Variants in STX5 observed in about 807,000 individuals in gnomAD.
STX5 encodes syntaxin 5, also known as syntaxin-5.
Under a neutral mutation model 42.9 loss-of-function variants are expected in STX5, and 15 were observed. The ratio of observed to expected loss-of-function variants is 0.35; its 90% CI spans 0.23 to 0.54. The LOEUF is 0.54. STX5 is among the 20% of genes least tolerant of loss of function. The pLI, the probability that STX5 is intolerant of heterozygous loss-of-function variation, is 0.91. For synonymous variants in STX5, 184 were observed against 173.2 expected, an observed-to-expected ratio of 1.06 and a Z score of -0.49; for missense variants, 430 against 455.0, an observed-to-expected ratio of 0.95 and a Z score of 0.50.
chr11:62,830,984 G>T (rs1317848369), intron 2 of STX5, 35 bp downstream of exon 2: 1 of 1,520,024 alleles, frequency 6.6e-7, no homozygotes, highest in Non-Finnish European at 8.9e-7. Context: ...TTTGAGTAAG[G>T]CTCACTCCTC....
intron 10 of STX5, among the ~76,000 whole-genome samples, chr11:62,811,960 C>T (rs574505327): frequency 6.6e-6 from 1 of 151,902 alleles, no homozygotes; most frequent in African/African-American, 2.4e-5. Flanking sequence ...CAAACACATG[C>T]TAACAGTGAA....
At chr11:62,812,748 A>G (rs2084632630) in intron 10 of STX5, among the ~76,000 whole-genome samples, 2 of 151,920 alleles carry the variant, frequency 1.3e-5, no homozygotes, top group Admixed American at 1.3e-4. Flanking sequence ...AAAATACAAC[A>G]TAGCTCAGGG....
At chr11:62,827,272 G>A in intron 4 of STX5, 47 bp from the exon 5 acceptor site, 2 of 1,613,544 alleles carry the variant, frequency 1.2e-6, no homozygotes, top group Non-Finnish European at 1.7e-6. Flanking sequence ...CAAGGACAAA[G>A]CTCAGGGAAT....
intron 2 of STX5, among the ~76,000 whole-genome samples, chr11:62,829,257 T>G (rs1043593520): frequency 1.3e-5 from 2 of 151,264 alleles, no homozygotes; most frequent in African/African-American, 4.9e-5. Flanking sequence ...AAACCCCGTC[T>G]CCACTCAAAA....
chr11:62,828,875 G>A (rs1337604829), intron 2 of STX5, among the ~76,000 whole-genome samples: 1 of 151,960 alleles, frequency 6.6e-6, no homozygotes, highest in East Asian at 1.9e-4. Flanking sequence ...GACCATCCTG[G>A]CGAACACAGT....
In STX5 at chr11:62,827,363, T is replaced by C. The variant is rs763049570; in HGVS notation, c.332A>G (p.Lys111Arg). 3.3e-5 allele frequency: 54 copies of C among 1,614,228 alleles called. No homozygotes were observed. Among genetic ancestry groups the C allele is most frequent in the Non-Finnish European group, 4.3e-5 (51 of 1,180,050 alleles). The change falls in exon 4 of 11, where the codon AAG becomes AGG. Residue 111 changes from lysine to arginine, a missense_variant. By Grantham distance (26) the Lys-to-Arg change is conservative. Transcript: ENST00000294179. Reference protein sequence around the residue: ...IGKDLSNTFAKLEKLTILAKR... With the variant: ...IGKDLSNTFARLEKLTILAKR... ...CTCACAGATTGTCAGCTTCTCCAGCTTGGCAAATGTGTTGCTAAGGTCTTT... is the reference window on the plus strand; with the variant it reads ...CTCACAGATTGTCAGCTTCTCCAGCCTGGCAAATGTGTTGCTAAGGTCTTT...
chr11:62,831,317 C>T (rs1467874201), intron 1 of STX5, 55 bp from the exon 2 acceptor site: 8 of 1,246,842 alleles, frequency 6.4e-6, no homozygotes, highest in Non-Finnish European at 9.2e-6. Flanking sequence ...CCAAACTCCC[C>T]CGCCCCACCC....
intron 10 of STX5, among the ~76,000 whole-genome samples, chr11:62,820,520 C>CTTT (rs374794905): frequency 7.1e-6 from 1 of 140,678 alleles, no homozygotes; most frequent in Non-Finnish European, 1.6e-5. Context: ...TTTTCTTTTT[C>CTTT]TTTTTTTTTT....
At chr11:62,830,961 AG>A (rs983293490) in intron 2 of STX5, 57 bp downstream of exon 2, 32 of 1,448,178 alleles carry the variant, frequency 2.2e-5, no homozygotes, top group Non-Finnish European at 2.8e-5. Context: ...GGTGGAGCAC[AG>A]TCCTTCCTAG....
In STX5 at chr11:62,825,027, G is replaced by T; in HGVS notation, c.679+9C>A. ...CCTCCCAGGGCTCCCCGTTTTACCT[G>T]TGACTTACCCAGGTGGTTAGGGGCA... is the stretch of plus-strand genomic sequence containing the variant. On this transcript the variant is annotated intron_variant, in intron 8 of 10. Transcript: ENST00000294179. 1 of 1,613,766 alleles carries T rather than the reference G, an allele frequency of 6.2e-7. No individual in the cohort carries two copies. The highest frequency in any genetic ancestry group is 1.3e-5 in the African/African-American group (1 of 75,034).
intron 1 of STX5, 81 bp from the exon 2 acceptor site, chr11:62,831,343 C>T: frequency 9.6e-7 from 1 of 1,044,476 alleles, no homozygotes; most frequent in South Asian, 1.4e-5. Flanking sequence ...AACAAATCCC[C>T]GAGCCCCTTC....
At chr11:62,827,806 G>A (rs2084812891) in intron 2 of STX5, among the ~76,000 whole-genome samples, 175 bp from the exon 3 acceptor site, 1 of 152,100 alleles carries the variant, frequency 6.6e-6, no homozygotes, top group African/African-American at 2.4e-5. Flanking sequence ...GTAGACCTGA[G>A]TTCAAATCTT....
intron 10 of STX5, among the ~76,000 whole-genome samples, chr11:62,817,185 C>T (rs2084683415): frequency 6.6e-6 from 1 of 152,064 alleles, no homozygotes; most frequent in South Asian, 2.1e-4. Flanking sequence ...GCCTCAGCCT[C>T]CCAAAGTGCT....
At chr11:62,830,914 C>T in intron 2 of STX5, 105 bp downstream of exon 2, 4 of 1,064,388 alleles carry the variant, frequency 3.8e-6, no homozygotes, top group Non-Finnish European at 4.3e-6. Flanking sequence ...CCTATCAGTT[C>T]CATCAGGTAC....
At chr11:62,823,065 C>T (rs1055324120) in intron 10 of STX5, among the ~76,000 whole-genome samples, 33 of 152,194 alleles carry the variant, frequency 2.2e-4, no homozygotes, top group African/African-American at 7.7e-4. Context: ...GCCTAGAACA[C>T]TCTCTGTTCT....
In STX5 at chr11:62,825,071, G is replaced by T; in HGVS notation, c.644C>A (p.Pro215His). 1 of 1,613,968 alleles carries T rather than the reference G, an allele frequency of 6.2e-7. No homozygotes were observed. Among genetic ancestry groups the T allele is most frequent in the Non-Finnish European group, 8.5e-7 (1 of 1,180,030 alleles). Residue 215 changes from proline to histidine, a missense_variant, in exon 8 of 11, where the codon CCT (proline) becomes CAT (histidine). Coordinates refer to ENST00000294179, the MANE Select transcript of STX5 (RefSeq NM_003164.5). ...AGGGGCAAGGGGCAGGGCTGACACAGGTGCCCGGGAGAACTGCTCTCTCCG... is the reference window on the plus strand; with the variant it reads ...AGGGGCAAGGGGCAGGGCTGACACATGTGCCCGGGAGAACTGCTCTCTCCG... ...RSRREQFSRA[P>H]VSALPLAPNH...
chr11:62,823,500 C>T (rs905371074), intron 10 of STX5, among the ~76,000 whole-genome samples: 3 of 151,922 alleles, frequency 2.0e-5, no homozygotes, highest in East Asian at 1.9e-4. Context: ...CCTATTTTAA[C>T]TCTGTATACA....
rs142266392 is a variant in STX5, at chr11:62,824,489, G to C, written c.756C>G (p.Thr252=). The change falls in exon 9 of 11, where the codon ACC becomes ACG. Residue 252 remains threonine, a synonymous_variant. Coordinates refer to ENST00000294179, the MANE Select transcript of STX5 (RefSeq NM_003164.5). ...CGTCAATGAGCTGCAGCTGCTGGCTGGTCCGAGAGTCCATCATGTCGATGG... is the reference window on the plus strand; with the variant it reads ...CGTCAATGAGCTGCAGCTGCTGGCTCGTCCGAGAGTCCATCATGTCGATGG... ...DVAIDMMDSR[T]SQQLQLIDEQ... 8.1e-6 allele frequency: 13 copies of C among 1,614,058 alleles called. No homozygotes were observed. In the Middle Eastern group the frequency reaches 9.9e-4, roughly 122 times the overall value.
chr11:62,831,209 G>A lies in STX5; in HGVS notation c.35C>T (p.Thr12Met), dbSNP rs2084856737. The A allele has an allele frequency of 1.3e-6, 2 of 1,565,676 alleles. No homozygotes were observed. Among genetic ancestry groups the A allele is most frequent in the Non-Finnish European group, 1.7e-6 (2 of 1,153,994 alleles). Reference protein sequence around the residue: ...IPRKRYGSKNTDQGVYLGLSK... With the variant: ...IPRKRYGSKNMDQGVYLGLSK... ...GAGACCCAGGTAGACACCCTGATCC[G>A]TGTTCTTAGACCCGTAGCGTTTCCG... The change falls in exon 2 of 11, where the codon ACG becomes ATG. Residue 12 changes from threonine (T) to methionine (M), a missense_variant. Physicochemically the swap from Thr to Met is moderately conservative, Grantham distance 81. Transcript: ENST00000294179.
Sources: allele counts gnomAD v4.1 joint callset (sites outside exome capture counted in the v4.1 genomes callset), GRCh38; gene constraint gnomAD v4.1.1; transcripts MANE v1.5; gene names NCBI Gene and HGNC (gene_info 2026-07-23, HGNC 2026-07-21).